The following SVIL variants were observed in gnomAD, a reference collection of about 807,000 sequenced individuals.
SVIL encodes supervillin.
Under a neutral mutation model 240.4 loss-of-function variants are expected in SVIL, and 101 were observed. The ratio of observed to expected loss-of-function variants is 0.42; its 90% CI spans 0.36 to 0.50. The LOEUF (loss-of-function observed/expected upper bound fraction) is 0.50. Among genes scored for constraint, SVIL ranks in the 20% least tolerant of loss-of-function variants. The pLI, the probability that SVIL is intolerant of heterozygous loss-of-function variation, is 0.01. For missense variants in SVIL, 2,512 were observed against 2,818.7 expected (o/e 0.89, Z 2.46); for synonymous variants, 999 against 1,100.0 (o/e 0.91, Z 1.82).
intron 6 of SVIL, among the ~76,000 whole-genome samples, chr10:29,540,024 C>A (rs982831166): frequency 6.6e-6 from 1 of 152,148 alleles, no homozygotes; most frequent in Non-Finnish European, 1.5e-5. Flanking sequence ...CAAGCCACCA[C>A]CGCCTCTCAC....
At chr10:29,691,234 C>T (rs1289069810) in intron 1 of SVIL, among the ~76,000 whole-genome samples, 9 of 142,440 alleles carry the variant, frequency 6.3e-5, no homozygotes, top group South Asian at 2.2e-4. Context: ...TTTTTTGAGA[C>T]GGAGTCTCAC....
chr10:29,645,557 G>C (rs1443510542), intron 3 of SVIL, among the ~76,000 whole-genome samples: 1 of 152,128 alleles, frequency 6.6e-6, no homozygotes, highest in Non-Finnish European at 1.5e-5. Flanking sequence ...GCGATAGAGT[G>C]AAACTCCGTC....
At chr10:29,592,819 C>T (rs547124471) in intron 1 of SVIL, among the ~76,000 whole-genome samples, 4 of 152,212 alleles carry the variant, frequency 2.6e-5, no homozygotes, top group Non-Finnish European at 1.5e-5. Flanking sequence ...CTAAATATTT[C>T]CTTCATGATC....
chr10:29,662,778 TACACAC>T (rs3040508), intron 2 of SVIL, among the ~76,000 whole-genome samples: 5 of 149,392 alleles, frequency 3.3e-5, no homozygotes, highest in East Asian at 2.0e-4. Context: ...TGTGCGCGCG[TACACAC>T]ACACACACAC....
At chr10:29,486,686 A>T in intron 24 of SVIL, 129 bp from the exon 25 acceptor site, 1 of 1,018,882 alleles carries the variant, frequency 9.8e-7, no homozygotes, top group Non-Finnish European at 1.4e-6. Context: ...GTGTGGGTGG[A>T]TGCTGGTTAC....
chr10:29,664,097 C>T (rs1589473983), intron 2 of SVIL, among the ~76,000 whole-genome samples: 2 of 152,138 alleles, frequency 1.3e-5, no homozygotes, highest in South Asian at 4.1e-4. Context: ...CTTAAAAGGA[C>T]ACATCAGGTC....
intron 1 of SVIL, among the ~76,000 whole-genome samples, chr10:29,626,240 T>C (rs535263830): frequency 6.6e-6 from 1 of 152,194 alleles, no homozygotes; most frequent in Non-Finnish European, 1.5e-5. Flanking sequence ...CACATAACTA[T>C]GTGAAACCAT....
Position 29,733,637 on chromosome 10 carries a change from C to G in SVIL, c.-400+2114G>C, listed in dbSNP as rs138084917. On this transcript the variant is annotated intron_variant, in intron 1 of 35. Coordinates refer to the SVIL transcript ENST00000375400. ...TATGTTTTAAGAGAAGAAAGTGAAG[C>G]TCAGAGGCTAGGCAAATTGTCCAAG... Among the ~76,000 whole-genome samples the G allele has an allele frequency of 9.3e-4, 141 of 152,264 alleles. 3 individuals carry two copies. The East Asian group carries it at 0.021, about 23-fold the overall frequency.
chr10:29,611,491 C>T (rs746517569), intron 1 of SVIL, among the ~76,000 whole-genome samples: 2 of 151,780 alleles, frequency 1.3e-5, no homozygotes, highest in East Asian at 1.9e-4. Flanking sequence ...CTCTGACAGG[C>T]GTGTCACTAT....
intron 14 of SVIL, 116 bp downstream of exon 14, chr10:29,524,356 G>A: frequency 6.8e-7 from 1 of 1,478,524 alleles, no homozygotes; most frequent in Non-Finnish European, 9.2e-7. Flanking sequence ...ATCACCTACA[G>A]GTAGCAGTTT....
chr10:29,709,639 G>T (rs1327724322), intron 1 of SVIL, among the ~76,000 whole-genome samples: 2 of 152,184 alleles, frequency 1.3e-5, no homozygotes, highest in African/African-American at 4.8e-5. Context: ...GCAGCAGCTA[G>T]CAGCCTGTGG....
chr10:29,654,615 T>C (rs554001342), intron 3 of SVIL, among the ~76,000 whole-genome samples: 8 of 152,272 alleles, frequency 5.3e-5, no homozygotes, highest in African/African-American at 1.9e-4. Context: ...GATAGATATA[T>C]AGAAGTAGGC....
intron 1 of SVIL, among the ~76,000 whole-genome samples, chr10:29,588,490 T>C (rs1424471112): frequency 6.6e-6 from 1 of 152,178 alleles, no homozygotes; most frequent in Non-Finnish European, 1.5e-5. Flanking sequence ...GTCTGGGATG[T>C]CTGAAACAAG....
At chr10:29,528,694 C>T (rs886533466) in intron 12 of SVIL, among the ~76,000 whole-genome samples, 11 of 151,976 alleles carry the variant, frequency 7.2e-5, no homozygotes, top group African/African-American at 2.2e-4. Flanking sequence ...GCCAAGATGG[C>T]GCACTGCATT....
chr10:29,481,535 T>C (rs376023841), intron 28 of SVIL, 49 bp downstream of exon 28: 68 of 1,607,908 alleles, frequency 4.2e-5, no homozygotes, highest in South Asian at 5.6e-5. Flanking sequence ...GCCACTTTTA[T>C]TGGGACCCGA....
intron 1 of SVIL, among the ~76,000 whole-genome samples, chr10:29,596,999 C>T (rs1290414350): frequency 1.3e-5 from 2 of 152,156 alleles, no homozygotes; most frequent in East Asian, 1.9e-4. Context: ...AGGGCTCTCC[C>T]GCCCCCCTAC....
At chr10:29,553,740 C>T (rs1953612471) in intron 5 of SVIL, among the ~76,000 whole-genome samples, 1 of 152,236 alleles carries the variant, frequency 6.6e-6, no homozygotes, top group Non-Finnish European at 1.5e-5. Context: ...TAGGGAAAAG[C>T]TGAGTCACGT....
At chr10:29,652,559 T>C (rs1234664007) in intron 3 of SVIL, among the ~76,000 whole-genome samples, 3 of 152,216 alleles carry the variant, frequency 2.0e-5, no homozygotes, top group African/African-American at 7.2e-5. Flanking sequence ...TATGTATAGG[T>C]ATGTATCCTA....
At chr10:29,736,132 C>T (rs1165374129), upstream of SVIL, among the ~76,000 whole-genome samples, 1 of 152,152 alleles carries the variant, frequency 6.6e-6, no homozygotes, top group Non-Finnish European at 1.5e-5. Context: ...TGGGACGACT[C>T]TCGGGGGAAG....
Sources: gnomAD v4.1 joint callset for allele counts (sites outside exome capture counted in the v4.1 genomes callset) on GRCh38, gnomAD v4.1.1 for gene constraint, MANE v1.5 for transcripts, NCBI Gene and HGNC (gene_info 2026-07-23, HGNC 2026-07-21) for gene names.